Variants in LRRTM4 observed in about 807,000 individuals in gnomAD.
LRRTM4 encodes the protein leucine-rich repeat transmembrane neuronal protein 4.
In LRRTM4, 25 loss-of-function variants were observed where a neutral mutation model predicts 47.6. That is an observed-to-expected ratio of 0.53 (90% CI 0.38 to 0.73). The LOEUF is 0.73. LRRTM4 is among the 30% of genes least tolerant of loss of function. The pLI is 0.00. For synonymous variants in LRRTM4, 311 were observed against 269.5 expected, an observed-to-expected ratio of 1.15 and a Z score of -1.51; for missense variants, 638 against 713.4, an observed-to-expected ratio of 0.89 and a Z score of 1.20.
At chr2:77,374,486 T>C (rs1194173190) in intron 3 of LRRTM4, among the ~76,000 whole-genome samples, 2 of 151,876 alleles carry the variant, frequency 1.3e-5, no homozygotes, top group Non-Finnish European at 2.9e-5. Context: ...AAAGTATTTA[T>C]TAGAATGTGA....
At chr2:77,061,352 T>G (rs1273662291) in intron 3 of LRRTM4, among the ~76,000 whole-genome samples, 2 of 152,164 alleles carry the variant, frequency 1.3e-5, no homozygotes, top group South Asian at 2.1e-4. Context: ...GTTCCTTAAT[T>G]TATTCTGTCT....
intron 3 of LRRTM4, among the ~76,000 whole-genome samples, chr2:77,221,027 C>G (rs984489299): frequency 6.6e-6 from 1 of 152,182 alleles, no homozygotes; most frequent in Non-Finnish European, 1.5e-5. Context: ...TTCTACAAGC[C>G]AGAAGAGAGT....
intron 3 of LRRTM4, among the ~76,000 whole-genome samples, chr2:76,812,696 TTTTC>T (rs1458721705): frequency 2.9e-4 from 28 of 96,552 alleles, no homozygotes; most frequent in East Asian, 8.7e-4. Context: ...TCTTTCTTTC[TTTTC>T]TTTCTTTATT....
chr2:77,153,802 G>A (rs1003718478), intron 3 of LRRTM4, among the ~76,000 whole-genome samples: 2 of 152,116 alleles, frequency 1.3e-5, no homozygotes, highest in Non-Finnish European at 2.9e-5. Flanking sequence ...GCACTGTGAA[G>A]CCTTGTCAGG....
chr2:77,352,509 C>T (rs906692227), intron 3 of LRRTM4, among the ~76,000 whole-genome samples: 1 of 152,096 alleles, frequency 6.6e-6, no homozygotes, highest in African/African-American at 2.4e-5. Flanking sequence ...TACTCACTAT[C>T]CCAGGAAATT....
chr2:77,252,721 A>G (rs1003658308), intron 3 of LRRTM4, among the ~76,000 whole-genome samples: 1 of 151,698 alleles, frequency 6.6e-6, no homozygotes, highest in Non-Finnish European at 1.5e-5. Flanking sequence ...ATGGGGAGGG[A>G]AAAGAGTGGT....
At chr2:77,043,137 G>T (rs551643399) in intron 3 of LRRTM4, among the ~76,000 whole-genome samples, 83 of 151,784 alleles carry the variant, frequency 5.5e-4, no homozygotes, top group African/African-American at 1.9e-3. Context: ...TTCCTGTTTT[G>T]TCTTTTGTAC....
chr2:77,119,094 CAAAA>C (rs2103951678), intron 3 of LRRTM4, among the ~76,000 whole-genome samples: 1 of 151,842 alleles, frequency 6.6e-6, no homozygotes, highest in East Asian at 1.9e-4. Context: ...TCATCACTTT[CAAAA>C]AATGTTATGA....
intron 3 of LRRTM4, among the ~76,000 whole-genome samples, chr2:77,282,313 G>T (rs1025826854): frequency 6.6e-6 from 1 of 151,778 alleles, no homozygotes; most frequent in Admixed American, 6.6e-5. Flanking sequence ...TACTGAAGTT[G>T]TTTATCATTT....
At chr2:76,790,319 AT>A (rs367833422) in intron 3 of LRRTM4, among the ~76,000 whole-genome samples, 2 of 151,012 alleles carry the variant, frequency 1.3e-5, no homozygotes, top group African/African-American at 2.4e-5. Flanking sequence ...TTTCTGAGGG[AT>A]TTTTTTTTGC....
At chr2:76,827,516 A>C (rs1158461403) in intron 3 of LRRTM4, among the ~76,000 whole-genome samples, 1 of 151,852 alleles carries the variant, frequency 6.6e-6, no homozygotes, top group East Asian at 1.9e-4. Flanking sequence ...TGGATGCTGG[A>C]AACTACACAT....
intron 3 of LRRTM4, among the ~76,000 whole-genome samples, chr2:77,150,973 GT>G (rs1320041259): frequency 6.6e-6 from 1 of 151,988 alleles, no homozygotes; most frequent in Non-Finnish European, 1.5e-5. Context: ...TTCATGCACT[GT>G]TTTTTAAGTT....
At chr2:76,835,877 A>G (rs1671496806) in intron 3 of LRRTM4, among the ~76,000 whole-genome samples, 1 of 152,028 alleles carries the variant, frequency 6.6e-6, no homozygotes, top group African/African-American at 2.4e-5. Flanking sequence ...ATTTTTCAAA[A>G]TATTTTGGAG....
chr2:77,016,054 C>G (rs984014992), intron 3 of LRRTM4, among the ~76,000 whole-genome samples: 1 of 151,854 alleles, frequency 6.6e-6, no homozygotes, highest in Admixed American at 6.6e-5. Flanking sequence ...GCGCTCCAGC[C>G]TGGGTGACAG....
intron 3 of LRRTM4, among the ~76,000 whole-genome samples, chr2:76,829,320 A>C (rs1287781994): frequency 1.3e-5 from 2 of 152,078 alleles, no homozygotes; most frequent in Admixed American, 6.6e-5. Context: ...GAAGTAGGAA[A>C]AAAAGGGGAG....
intron 3 of LRRTM4, among the ~76,000 whole-genome samples, chr2:77,441,185 A>T (rs1236232870): frequency 6.6e-6 from 1 of 152,216 alleles, no homozygotes; most frequent in African/African-American, 2.4e-5. Flanking sequence ...CTTAGAATTA[A>T]AAAAGATACA....
rs78235675 is a variant in LRRTM4 at position 77,450,429 on chromosome 2, A to C, written c.1551+67889T>G. ...ATATACTTGAAATCCATTAGTCTCC[A>C]ACTTAAACCTAAATTTCAATCTTTA... On this transcript the variant is annotated intron_variant, in intron 3 of 3. Transcript: ENST00000409884. Among the ~76,000 whole-genome samples the C allele has an allele frequency of 9.5e-3, 1,445 of 152,274 alleles. 27 individuals are homozygous for C. Among genetic ancestry groups the C allele is most frequent in the African/African-American group, 0.033 (1,361 of 41,548 alleles).
intron 3 of LRRTM4, among the ~76,000 whole-genome samples, chr2:77,275,372 C>T (rs1676316479): frequency 6.6e-6 from 1 of 151,874 alleles, no homozygotes; most frequent in Non-Finnish European, 1.5e-5. Context: ...ATTAGTGCTA[C>T]ATAAATACTT....
chr2:76,832,386 G>T (rs967219770), intron 3 of LRRTM4, among the ~76,000 whole-genome samples: 4 of 149,296 alleles, frequency 2.7e-5, no homozygotes, highest in African/African-American at 9.9e-5. Flanking sequence ...GCCACCAAGT[G>T]AACTGCACAT....
Sources: allele counts gnomAD v4.1 joint callset (sites outside exome capture counted in the v4.1 genomes callset), GRCh38; gene constraint gnomAD v4.1.1; transcripts MANE v1.5; gene names NCBI Gene and HGNC (gene_info 2026-07-23, HGNC 2026-07-21).